The following PAG1 variants were observed in gnomAD, a reference collection of about 807,000 sequenced individuals.
The protein encoded by PAG1 is phosphoprotein associated with glycosphingolipid-enriched microdomains 1.
PAG1 carries 23 observed loss-of-function variants against 31.7 expected under a neutral mutation model. That is an observed-to-expected ratio of 0.73 (90% CI 0.52 to 1.03). The LOEUF is 1.03. PAG1 is among the 50% of genes least tolerant of loss of function. PAG1 has a pLI of 0.00. For synonymous variants in PAG1, 214 were observed against 210.3 expected, an observed-to-expected ratio of 1.02 and a Z score of -0.15; for missense variants, 473 against 540.7, an observed-to-expected ratio of 0.87 and a Z score of 1.24.
Position 80,973,795 on chromosome 8 carries a change from C to T in PAG1, c.*2749G>A, listed in dbSNP as rs755593412. The T allele has an allele frequency of 1.1e-4, 16 of 150,766 alleles. No homozygotes were observed. The highest frequency in any genetic ancestry group is 8.7e-4 in the Admixed American group (13 of 14,984). The allele number at this position is 150,766 out of a possible 1,614,324, so 9.3% of individuals were successfully genotyped here. ...GTGATGAAATTTATGAAAAACTATA[C>T]TGTACAGTCAAAACAGTGATGGTGC... On this transcript the variant is annotated 3_prime_UTR_variant, in exon 9 of 9. Coordinates refer to ENST00000220597, the MANE Select transcript of PAG1 (RefSeq NM_018440.4).
At chr8:81,000,455 C>A (rs960492049) in intron 3 of PAG1, among the ~76,000 whole-genome samples, 2 of 152,062 alleles carry the variant, frequency 1.3e-5, no homozygotes, top group African/African-American at 4.8e-5. Flanking sequence ...TCCTCTGTCG[C>A]CCAGGCTGGA....
intron 3 of PAG1, among the ~76,000 whole-genome samples, chr8:81,010,141 T>G (rs1294987057): frequency 1.3e-5 from 2 of 152,230 alleles, no homozygotes; most frequent in East Asian, 3.8e-4. Context: ...CATGTCATAA[T>G]CAGGATGTGG....
intron 5 of PAG1, among the ~76,000 whole-genome samples, chr8:80,989,737 C>T (rs1807500010): frequency 6.6e-6 from 1 of 152,162 alleles, no homozygotes; most frequent in African/African-American, 2.4e-5. Flanking sequence ...AGGCCAGTGG[C>T]TCTCACACTC....
intron 2 of PAG1, among the ~76,000 whole-genome samples, chr8:81,048,273 T>C (rs1808673784): frequency 6.6e-6 from 1 of 151,884 alleles, no homozygotes; most frequent in Admixed American, 6.6e-5. Context: ...ATATTACCTG[T>C]CTTATATTGG....
In PAG1 at chr8:81,096,015, CTTAAT is replaced by C. The variant is rs1809523083; in HGVS notation, c.-234+15571_-234+15575del. Among the ~76,000 whole-genome samples, 3 of 152,190 alleles carry C rather than the reference CTTAAT, an allele frequency of 2.0e-5. No individual in the cohort carries two copies. In the South Asian group the frequency reaches 6.2e-4, roughly 31 times the overall value. The stretch of plus-strand genomic sequence containing the variant: ...AAGTTTGTTAAGTGAAGCGTTTTGT[CTTAAT>C]TTTTTTGTACAACTGGATATTCACG... On this transcript the variant is annotated intron_variant, in intron 1 of 8. Coordinates refer to ENST00000220597, the MANE Select transcript of PAG1 (RefSeq NM_018440.4).
intron 3 of PAG1, among the ~76,000 whole-genome samples, chr8:81,013,932 T>TGCCAGTATAAA (rs1808028133): frequency 6.6e-6 from 1 of 152,168 alleles, no homozygotes; most frequent in South Asian, 2.1e-4. Context: ...TTCTCTACAG[T>TGCCAGTATAAA]GCCAGTATAA....
chr8:81,079,692 C>T (rs1387630477), intron 1 of PAG1, among the ~76,000 whole-genome samples: 3 of 151,206 alleles, frequency 2.0e-5, no homozygotes, highest in East Asian at 1.9e-4. Context: ...CAGTAGAAAG[C>T]CAGACACAGA....
In PAG1 at chr8:81,011,806, C is replaced by G. The variant is rs140647094; in HGVS notation, c.-81+18190G>C. Reference sequence around the variant, plus strand: ...GTGCCAGCTACTTTTGCAGAGAAGGCGTTTTGCAGCCTGTGCTTTGCTGAC... The same window carrying G: ...GTGCCAGCTACTTTTGCAGAGAAGGGGTTTTGCAGCCTGTGCTTTGCTGAC... On this transcript the variant is annotated intron_variant, in intron 3 of 8. Coordinates refer to ENST00000220597, the MANE Select transcript of PAG1 (RefSeq NM_018440.4). Among the ~76,000 whole-genome samples, 1,460 of 152,284 alleles carry G rather than the reference C, an allele frequency of 9.6e-3. 19 individuals carry two copies. The highest frequency in any genetic ancestry group is 0.034 in the African/African-American group (1,394 of 41,558).
intron 2 of PAG1, chr8:81,058,432 G>C (rs983001530): frequency 2.0e-5 from 3 of 152,248 alleles, no homozygotes; most frequent in Non-Finnish European, 2.9e-5. Flanking sequence ...AAGACAGACT[G>C]AAAATTAACA....
chr8:81,083,205 C>T (rs573405917), intron 1 of PAG1, among the ~76,000 whole-genome samples: 1 of 152,196 alleles, frequency 6.6e-6, no homozygotes, highest in East Asian at 1.9e-4. Flanking sequence ...GGAGTTTTGG[C>T]TCTCCATCGG....
chr8:81,037,595 T>A (rs1250492713), intron 2 of PAG1, among the ~76,000 whole-genome samples: 1 of 152,266 alleles, frequency 6.6e-6, no homozygotes, highest in African/African-American at 2.4e-5. Flanking sequence ...GGCATCTGAA[T>A]ACAAAGTAAG....
intron 2 of PAG1, among the ~76,000 whole-genome samples, chr8:81,043,167 T>C (rs930383174): frequency 1.3e-5 from 2 of 152,110 alleles, no homozygotes; most frequent in African/African-American, 4.8e-5. Context: ...ACCACCCCAC[T>C]GTTCACCACA....
intron 1 of PAG1, among the ~76,000 whole-genome samples, chr8:81,094,754 T>G (rs1809499590): frequency 6.6e-6 from 1 of 152,224 alleles, no homozygotes; most frequent in Non-Finnish European, 1.5e-5. Flanking sequence ...TTGAGTCCTG[T>G]ATCTGAGAGA....
At chr8:80,993,614 T>C (rs737050) in intron 3 of PAG1, among the ~76,000 whole-genome samples, 4 of 135,462 alleles carry the variant, frequency 3.0e-5, no homozygotes, top group Middle Eastern at 3.8e-3. Context: ...TTTTTTTTTT[T>C]TTTCTTCAAC....
chr8:81,070,862 TTC>T (rs1162620987), intron 1 of PAG1, among the ~76,000 whole-genome samples: 1 of 152,122 alleles, frequency 6.6e-6, no homozygotes, highest in African/African-American at 2.4e-5. Context: ...AAATCGAAAA[TTC>T]TGTTTTTGTA....
rs1312845025 is a variant in PAG1 at position 81,102,807 on chromosome 8, C to T, written c.-234+8784G>A. 2.0e-5 allele frequency among the ~76,000 whole-genome samples: 3 copies of T among 152,138 alleles called. No homozygotes were observed. In the East Asian group the frequency reaches 5.8e-4, roughly 29 times the overall value. Reference sequence around the variant, plus strand: ...CTTACCGAAGACAAATGCTTTAACACTTTGGCATTAAATGAGTAACATAAT... The same window carrying T: ...CTTACCGAAGACAAATGCTTTAACATTTTGGCATTAAATGAGTAACATAAT... On this transcript the variant is annotated intron_variant, in intron 1 of 8. Coordinates refer to ENST00000220597, the MANE Select transcript of PAG1 (RefSeq NM_018440.4).
At chr8:81,046,882 T>TC (rs1232950577) in intron 2 of PAG1, among the ~76,000 whole-genome samples, 1 of 152,036 alleles carries the variant, frequency 6.6e-6, no homozygotes, top group Admixed American at 6.6e-5. Flanking sequence ...TATAGGCTGT[T>TC]CCCCCCATGT....
chr8:81,087,233 T>G (rs1262914081), intron 1 of PAG1, among the ~76,000 whole-genome samples: 13 of 151,502 alleles, frequency 8.6e-5, no homozygotes, highest in Non-Finnish European at 1.8e-4. Flanking sequence ...ATCCCAGCTA[T>G]TCTGGAGGCT....
chr8:81,084,782 C>T (rs567696346), intron 1 of PAG1, among the ~76,000 whole-genome samples: 248 of 152,182 alleles, frequency 1.6e-3, no homozygotes, highest in Non-Finnish European at 3.1e-3. Context: ...GTGTCAGTCA[C>T]GATATTAGAG....
Sources: gnomAD v4.1 joint callset for allele counts (sites outside exome capture counted in the v4.1 genomes callset) on GRCh38, gnomAD v4.1.1 for gene constraint, MANE v1.5 for transcripts, NCBI Gene and HGNC (gene_info 2026-07-23, HGNC 2026-07-21) for gene names.